LARGE1: variants seen among roughly 807,000 people sequenced by gnomAD.
LARGE1 encodes the protein xylosyl- and glucuronyltransferase LARGE1.
LARGE1 carries 43 observed loss-of-function variants against 87.6 expected under a neutral mutation model. The observed-to-expected ratio is 0.49, with a 90% confidence interval of 0.38 to 0.63. The LOEUF (loss-of-function observed/expected upper bound fraction) is 0.63, where lower values mean the gene tolerates loss of function less well. LARGE1 is among the 30% of genes least tolerant of loss of function. The pLI is 0.00. For missense variants in LARGE1, 802 were observed against 1,000.2 expected (o/e 0.80, Z 2.67); for synonymous variants, 434 against 394.6 (o/e 1.10, Z -1.18).
At chr22:33,848,441 G>A (rs1388581593) in intron 1 of LARGE1, among the ~76,000 whole-genome samples, 1 of 151,898 alleles carries the variant, frequency 6.6e-6, no homozygotes, top group Non-Finnish European at 1.5e-5. Flanking sequence ...TCCACCCCCA[G>A]CCCTGCACCC....
chr22:33,406,345 G>A (rs1401426133), intron 7 of LARGE1, among the ~76,000 whole-genome samples: 1 of 151,886 alleles, frequency 6.6e-6, no homozygotes, highest in Non-Finnish European at 1.5e-5. Flanking sequence ...CTTGAGATCC[G>A]ACCCACAAAG....
chr22:33,096,570 T>G, the LARGE1 span, among the ~76,000 whole-genome samples: 172 of 51,196 alleles, frequency 3.4e-3, 2 homozygotes, highest in African/African-American at 8.4e-3. Context: ...GTTTTTGTTT[T>G]TTTTTTTTTT....
At chr22:33,387,242 T>A (rs1486402615) in intron 7 of LARGE1, among the ~76,000 whole-genome samples, 3 of 143,404 alleles carry the variant, frequency 2.1e-5, no homozygotes, top group Non-Finnish European at 4.7e-5. Context: ...CCCGCCAACA[T>A]GGCGAAACCC....
At chr22:33,088,690 G>A in the LARGE1 span, among the ~76,000 whole-genome samples, 25 of 152,208 alleles carry the variant, frequency 1.6e-4, no homozygotes, top group Admixed American at 1.4e-3. Context: ...TCATACTTTC[G>A]TCTGTTTGTT....
At chr22:33,502,379 G>A (rs924505533) in intron 6 of LARGE1, among the ~76,000 whole-genome samples, 2 of 152,088 alleles carry the variant, frequency 1.3e-5, no homozygotes, top group Admixed American at 6.6e-5. Flanking sequence ...TAAAGGGCCA[G>A]AGACGGAGGG....
intron 2 of LARGE1, among the ~76,000 whole-genome samples, chr22:33,754,544 G>T (rs1430059180): frequency 6.6e-6 from 1 of 151,870 alleles, no homozygotes; most frequent in Non-Finnish European, 1.5e-5. Flanking sequence ...CACCGTATTC[G>T]CCAGGATGGT....
chr22:33,221,169 A>AAGAGAGAGAG (rs112355451), intron 11 of LARGE1, among the ~76,000 whole-genome samples: 2,296 of 148,974 alleles, frequency 0.015, 42 homozygotes, highest in African/African-American at 0.055. Context: ...CGTTGTTAAA[A>AAGAGAGAGAG]AGAGAGAGAG....
At chr22:33,434,772 T>C (rs1248647859) in intron 6 of LARGE1, among the ~76,000 whole-genome samples, 1 of 152,156 alleles carries the variant, frequency 6.6e-6, no homozygotes. Context: ...CAAACAAAAA[T>C]ATTTTGTTGC....
At chr22:33,630,116 T>C (rs2080059092) in intron 3 of LARGE1, among the ~76,000 whole-genome samples, 1 of 152,044 alleles carries the variant, frequency 6.6e-6, no homozygotes, top group Non-Finnish European at 1.5e-5. Flanking sequence ...GGAGAATCGC[T>C]TGAACCTGGG....
At chr22:33,642,222 A>C (rs1015324632) in intron 3 of LARGE1, among the ~76,000 whole-genome samples, 18 of 152,354 alleles carry the variant, frequency 1.2e-4, no homozygotes, top group African/African-American at 4.1e-4. Context: ...AATAGGGATC[A>C]ATATTCAACA....
chr22:33,686,366 C>A (rs530654606), intron 2 of LARGE1, among the ~76,000 whole-genome samples: 119 of 151,902 alleles, frequency 7.8e-4, no homozygotes, highest in African/African-American at 2.7e-3. Flanking sequence ...CATGGTGAAA[C>A]CCTGTCTCTA....
At chr22:33,690,921 T>G (rs940781204) in intron 2 of LARGE1, among the ~76,000 whole-genome samples, 1 of 152,170 alleles carries the variant, frequency 6.6e-6, no homozygotes, top group Non-Finnish European at 1.5e-5. Context: ...GCTGAACTAG[T>G]GCCACAACAC....
chr22:33,400,878 G>A (rs1470217003), intron 7 of LARGE1, among the ~76,000 whole-genome samples: 1 of 152,188 alleles, frequency 6.6e-6, no homozygotes, highest in Non-Finnish European at 1.5e-5. Flanking sequence ...TTTATGAGGT[G>A]AGAAGGATGA....
intron 2 of LARGE1, among the ~76,000 whole-genome samples, chr22:33,752,443 G>A (rs1212317009): frequency 4.6e-5 from 7 of 152,124 alleles, no homozygotes; most frequent in Non-Finnish European, 1.0e-4. Flanking sequence ...CTGCAACAAA[G>A]AGCAGACATT....
intron 4 of LARGE1, among the ~76,000 whole-genome samples, chr22:33,618,713 C>T (rs2079651856): frequency 6.6e-6 from 1 of 152,206 alleles, no homozygotes; most frequent in African/African-American, 2.4e-5. Flanking sequence ...AGGCAAAAGG[C>T]AGACAAATGC....
At chr22:33,118,629 G>A in the LARGE1 span, among the ~76,000 whole-genome samples, 226 of 152,214 alleles carry the variant, frequency 1.5e-3, 2 homozygotes, top group African/African-American at 5.3e-3. Context: ...AATAGGTAGT[G>A]GCGGTCCTCC....
chr22:33,344,630 C>T (rs895708913), intron 9 of LARGE1, among the ~76,000 whole-genome samples: 6 of 152,130 alleles, frequency 3.9e-5, no homozygotes, highest in African/African-American at 1.4e-4. Flanking sequence ...GACTCAGGAT[C>T]TGTGTTGCTG....
At chr22:33,842,483 T>C (rs1285785654) in intron 1 of LARGE1, among the ~76,000 whole-genome samples, 1 of 152,192 alleles carries the variant, frequency 6.6e-6, no homozygotes, top group African/African-American at 2.4e-5. Context: ...TCTTGAGCAA[T>C]TGTACATTGC....
chr22:33,768,426 ACG>A (rs143638337), intron 1 of LARGE1, among the ~76,000 whole-genome samples: 6,758 of 125,214 alleles, frequency 0.054, 506 homozygotes, highest in African/African-American at 0.19. Context: ...CCACAATCCA[ACG>A]CGCGCGCTCA....
Sources: allele counts gnomAD v4.1 joint callset (sites outside exome capture counted in the v4.1 genomes callset), GRCh38; gene constraint gnomAD v4.1.1; transcripts MANE v1.5; gene names NCBI Gene and HGNC (gene_info 2026-07-23, HGNC 2026-07-21).